KCNG2: variants seen among roughly 807,000 people sequenced by gnomAD.
KCNG2 encodes the protein voltage-gated potassium channel regulatory subunit KCNG2.
A neutral mutation model predicts 12.3 loss-of-function variants in KCNG2; 7 were observed. The ratio of observed to expected loss-of-function variants is 0.57; its 90% CI spans 0.32 to 1.07. KCNG2 has a LOEUF of 1.07. KCNG2 is among the 50% of genes least tolerant of loss of function. The pLI, the probability that KCNG2 is intolerant of heterozygous loss-of-function variation, is 0.04. For missense variants in KCNG2, 703 were observed against 726.0 expected, an observed-to-expected ratio of 0.97 and a Z score of 0.36; for synonymous variants, 414 against 351.4, an observed-to-expected ratio of 1.18 and a Z score of -1.99.
chr18:79,813,197 T>C (rs1399220081), intron 1 of KCNG2, among the ~76,000 whole-genome samples: 1 of 152,098 alleles, frequency 6.6e-6, no homozygotes, highest in African/African-American at 2.4e-5. Context: ...AAAAGAAAGC[T>C]ATAGACCAGT....
At chr18:79,851,703 A>G (rs1248309724) in intron 1 of KCNG2, among the ~76,000 whole-genome samples, 1 of 125,530 alleles carries the variant, frequency 8.0e-6, no homozygotes, top group African/African-American at 3.5e-5. Flanking sequence ...GTGTGAATGT[A>G]TGTGTGTGTG....
intron 1 of KCNG2, among the ~76,000 whole-genome samples, chr18:79,829,282 G>T (rs752442984): frequency 3.0e-4 from 46 of 151,356 alleles, no homozygotes; most frequent in Non-Finnish European, 5.5e-4. Flanking sequence ...GTGTCTGTGT[G>T]TGTGTCTGCA....
intron 3 of KCNG2, among the ~76,000 whole-genome samples, chr18:79,890,352 ATG>A (rs556844362): frequency 1.2e-3 from 178 of 152,172 alleles, no homozygotes; most frequent in African/African-American, 4.2e-3. Context: ...TTCAGTGGGT[ATG>A]TGTGCAGCTC....
intron 3 of KCNG2, among the ~76,000 whole-genome samples, chr18:79,867,446 C>T (rs1355106046): frequency 1.7e-5 from 1 of 58,510 alleles, no homozygotes; most frequent in Non-Finnish European, 4.0e-5. Flanking sequence ...CAGCGTGTGT[C>T]GTGTCTTGGG....
In KCNG2 at chr18:79,872,302, T is replaced by TTTTTTG. The variant is rs1380858466; in HGVS notation, c.624+8012_624+8013insTTTTGT. On this transcript the variant is annotated intron_variant, in intron 3 of 3. Coordinates refer to ENST00000316249, the MANE Select transcript of KCNG2 (RefSeq NM_012283.2). ...TCAGTTTTTTTTTTTTTTTTTTTTT[T>TTTTTTG]TGAGATGGAGTCTCACTCTGTCACC... 6.1e-5 allele frequency among the ~76,000 whole-genome samples: 9 copies of TTTTTTG among 146,362 alleles called. 1 individual carries two copies. The highest frequency in any genetic ancestry group is 1.2e-4 in the Non-Finnish European group (8 of 66,536).
intron 3 of KCNG2, among the ~76,000 whole-genome samples, chr18:79,882,777 A>G (rs7244468): frequency 0.24 from 31,300 of 128,176 alleles, 1,988 homozygotes; most frequent in Non-Finnish European, 0.32. Context: ...GGCCGGGTAC[A>G]CCTGCGCGTG....
intron 3 of KCNG2, among the ~76,000 whole-genome samples, chr18:79,873,280 T>C (rs767149143): frequency 2.6e-4 from 39 of 152,194 alleles, no homozygotes; most frequent in Non-Finnish European, 4.9e-4. Context: ...TCGTGGACTT[T>C]GTTTTTTCCC....
chr18:79,837,898 C>T (rs1360420856), intron 1 of KCNG2, among the ~76,000 whole-genome samples: 1 of 152,232 alleles, frequency 6.6e-6, no homozygotes. Context: ...TCCATTTTCA[C>T]GCCTATACAG....
chr18:79,871,121 C>T (rs1979811098), intron 3 of KCNG2, among the ~76,000 whole-genome samples: 1 of 152,162 alleles, frequency 6.6e-6, no homozygotes, highest in East Asian at 1.9e-4. Context: ...GGAGGAGTCC[C>T]TTGCACTGGG....
chr18:79,798,093 G>A (rs1035624596), intron 1 of KCNG2, among the ~76,000 whole-genome samples, 79 bp downstream of exon 1: 1 of 151,880 alleles, frequency 6.6e-6, no homozygotes, highest in African/African-American at 2.4e-5. Context: ...CGGTGGGGCG[G>A]GGGGCGCGGG....
chr18:79,806,253 A>G (rs2087448700), intron 1 of KCNG2, among the ~76,000 whole-genome samples: 1 of 152,038 alleles, frequency 6.6e-6, no homozygotes, highest in Admixed American at 6.5e-5. Flanking sequence ...GCGTGGGGCC[A>G]TCAGCAAGCC....
chr18:79,883,810 T>G (rs1233586765), intron 3 of KCNG2, among the ~76,000 whole-genome samples: 1 of 152,178 alleles, frequency 6.6e-6, no homozygotes, highest in Non-Finnish European at 1.5e-5. Flanking sequence ...CCAGCAGGCA[T>G]GTTTTCGTTT....
At chr18:79,842,033 G>T (rs556613159) in intron 1 of KCNG2, among the ~76,000 whole-genome samples, 1 of 152,298 alleles carries the variant, frequency 6.6e-6, no homozygotes, top group East Asian at 1.9e-4. Flanking sequence ...TGCCAGGCTG[G>T]CCCCTGCAGA....
chr18:79,865,473 TATGAGGTCTGG>T (rs1979454449), intron 3 of KCNG2, among the ~76,000 whole-genome samples: 1 of 109,916 alleles, frequency 9.1e-6, no homozygotes, highest in Non-Finnish European at 1.8e-5. Flanking sequence ...GAGGTCTGGG[TATGAGGTCTGG>T]GTGCTGAGAG....
At position 79,843,615 on chromosome 18, in the gene KCNG2, T is replaced by C. The variant is rs1431409404; in HGVS notation, c.-114-12764T>C. On this transcript the variant is annotated intron_variant, in intron 1 of 3. Transcript: ENST00000316249. ...ATAAAATGTGTGAGAAGAAAAAGTA[T>C]AGTTTTTGTTTACAGTTGAAGTTAA... is the stretch of plus-strand genomic sequence containing the variant. Among the ~76,000 whole-genome samples, 4 of 152,326 alleles carry C rather than the reference T, an allele frequency of 2.6e-5. No individual in the cohort carries two copies. In the East Asian group the frequency reaches 5.8e-4, roughly 22 times the overall value.
chr18:79,887,631 T>C (rs938747011), intron 3 of KCNG2, among the ~76,000 whole-genome samples: 15 of 152,312 alleles, frequency 9.8e-5, no homozygotes, highest in African/African-American at 3.4e-4. Flanking sequence ...ACACCGTGGA[T>C]GCCCAAGCCT....
At chr18:79,887,872 C>G (rs977345435) in intron 3 of KCNG2, among the ~76,000 whole-genome samples, 1 of 152,134 alleles carries the variant, frequency 6.6e-6, no homozygotes, top group East Asian at 1.9e-4. Flanking sequence ...CCTTGAATGT[C>G]GATCAAGACT....
chr18:79,859,624 T>C (rs1197332957), intron 2 of KCNG2, among the ~76,000 whole-genome samples: 1 of 152,250 alleles, frequency 6.6e-6, no homozygotes, highest in Non-Finnish European at 1.5e-5. Context: ...CCTCCGACAC[T>C]GGGTATCAAA....
At chr18:79,859,406 C>T (rs1421704967) in intron 2 of KCNG2, among the ~76,000 whole-genome samples, 1 of 152,160 alleles carries the variant, frequency 6.6e-6, no homozygotes, top group Non-Finnish European at 1.5e-5. Context: ...ACAGGCAGCT[C>T]CAGTCATGGC....
Sources: gnomAD v4.1 joint callset for allele counts (sites outside exome capture counted in the v4.1 genomes callset) on GRCh38, gnomAD v4.1.1 for gene constraint, MANE v1.5 for transcripts, NCBI Gene and HGNC (gene_info 2026-07-23, HGNC 2026-07-21) for gene names.